AIG1: variants seen among roughly 807,000 people sequenced by gnomAD.
The protein encoded by AIG1 is androgen-induced gene 1 protein.
AIG1 carries 23 observed loss-of-function variants against 31.4 expected under a neutral mutation model. The observed-to-expected ratio is 0.73, with a 90% CI of 0.53 to 1.04. AIG1 has a LOEUF of 1.04. Among genes scored for constraint, AIG1 ranks in the 50% least tolerant of loss-of-function variants. The probability of loss-of-function intolerance (pLI) is 0.00; values close to 1 mark genes in which losing one functional copy is unlikely to be tolerated. For synonymous variants in AIG1, 100 were observed against 110.5 expected (o/e 0.90, Z 0.60); for missense variants, 274 against 295.0 (o/e 0.93, Z 0.52).
At chr6:143,082,814 G>T (rs1426944946) in intron 1 of AIG1, among the ~76,000 whole-genome samples, 6 of 152,098 alleles carry the variant, frequency 3.9e-5, no homozygotes, top group African/African-American at 1.4e-4. Flanking sequence ...TGTTTTTTCT[G>T]TGACATATAA....
At chr6:143,146,948 G>A (rs966210655) in intron 2 of AIG1, among the ~76,000 whole-genome samples, 19 of 152,152 alleles carry the variant, frequency 1.2e-4, no homozygotes, top group African/African-American at 2.7e-4. Context: ...GGAAGGTGAC[G>A]CAGAAAATCA....
intron 2 of AIG1, among the ~76,000 whole-genome samples, chr6:143,150,223 A>G (rs1000504239): frequency 4.6e-5 from 7 of 152,312 alleles, no homozygotes; most frequent in Non-Finnish European, 7.4e-5. Context: ...CCTGAGCCCT[A>G]TTGTTCATCA....
At chr6:143,302,514 G>A (rs919750846) in intron 4 of AIG1, among the ~76,000 whole-genome samples, 4 of 152,048 alleles carry the variant, frequency 2.6e-5, no homozygotes, top group Admixed American at 2.6e-4. Context: ...TGAGAATGAT[G>A]ATTTCCAATT....
intron 3 of AIG1, among the ~76,000 whole-genome samples, chr6:143,201,229 T>G (rs189815989): frequency 1.3e-5 from 2 of 152,206 alleles, no homozygotes; most frequent in Non-Finnish European, 2.9e-5. Flanking sequence ...TACAGTGGCT[T>G]GTGCCTGTAG....
chr6:143,308,280 A>C (rs1363607902), intron 4 of AIG1, among the ~76,000 whole-genome samples: 1 of 152,224 alleles, frequency 6.6e-6, no homozygotes. Context: ...GAAATGCAGA[A>C]ATCACCCGTC....
intron 4 of AIG1, among the ~76,000 whole-genome samples, chr6:143,316,818 G>A (rs1375756563): frequency 2.0e-5 from 3 of 151,798 alleles, no homozygotes; most frequent in Non-Finnish European, 2.9e-5. Context: ...GAAAAGAAAC[G>A]GGAGATATTA....
At chr6:143,179,940 G>C (rs1163171128) in intron 3 of AIG1, among the ~76,000 whole-genome samples, 1 of 152,218 alleles carries the variant, frequency 6.6e-6, no homozygotes, top group Non-Finnish European at 1.5e-5. Flanking sequence ...TGCAGCACAT[G>C]ACAAACATTA....
At position 143,255,052 on chromosome 6, in the gene AIG1, T is replaced by C. The variant is rs10484583; in HGVS notation, c.400-29058T>C. On this transcript the variant is annotated intron_variant, in intron 3 of 5. Transcript: ENST00000357847. ...AACCTGTCTCAAAAGATTCTCCTCA[T>C]TCTAGAAGTTTCTGATTCTGTAATC... Among the ~76,000 whole-genome samples the C allele has an allele frequency of 9.4e-3, 1,431 of 152,252 alleles. 43 individuals carry two copies. Among genetic ancestry groups the C allele is most frequent in the East Asian group, 0.065 (335 of 5,174 alleles).
chr6:143,176,109 G>C (rs184418294), intron 3 of AIG1, among the ~76,000 whole-genome samples: 2 of 152,310 alleles, frequency 1.3e-5, no homozygotes, highest in African/African-American at 2.4e-5. Flanking sequence ...GAGCTGCCAG[G>C]CTCTGGCTTG....
At chr6:143,095,082 G>A (rs921963443) in intron 1 of AIG1, among the ~76,000 whole-genome samples, 6 of 152,172 alleles carry the variant, frequency 3.9e-5, no homozygotes, top group African/African-American at 1.2e-4. Flanking sequence ...ATCCACAATG[G>A]GGGCAGTAAA....
chr6:143,095,975 C>T (rs953553418), intron 1 of AIG1, among the ~76,000 whole-genome samples: 23 of 141,626 alleles, frequency 1.6e-4, no homozygotes, highest in Admixed American at 1.3e-3. Context: ...GGCACGATCT[C>T]GGCTCACTGC....
Position 143,326,579 on chromosome 6 carries a change from A to G in AIG1, c.516-6703A>G. ...ACATATTATTTAAATAAAGATATTC[A>G]AATTTAAGTATGAATAAAAGAGCTT... On this transcript the variant is annotated intron_variant, in intron 4 of 5. Coordinates refer to ENST00000357847, the MANE Select transcript of AIG1 (RefSeq NM_016108.4). This position sits in a 1 kb window ranked among gnomAD's most constrained non-coding sequence, Gnocchi z 4.5. 6.6e-6 allele frequency among the ~76,000 whole-genome samples: 1 copy of G among 152,324 alleles called. No homozygotes were observed. The highest frequency in any genetic ancestry group is 3.4e-3 in the Middle Eastern group (1 of 294).
At chr6:143,112,816 T>TG (rs1311904543) in intron 1 of AIG1, among the ~76,000 whole-genome samples, 1 of 152,162 alleles carries the variant, frequency 6.6e-6, no homozygotes, top group African/African-American at 2.4e-5. Flanking sequence ...GATCCTCACA[T>TG]GTAGAGAACT....
chr6:143,114,063 C>T (rs546268684), intron 1 of AIG1, among the ~76,000 whole-genome samples: 14 of 152,254 alleles, frequency 9.2e-5, no homozygotes, highest in African/African-American at 2.9e-4. Context: ...TGTGAGCCAC[C>T]GCGCCTGGCC....
At chr6:143,302,987 A>T (rs1226471355) in intron 4 of AIG1, among the ~76,000 whole-genome samples, 1 of 151,938 alleles carries the variant, frequency 6.6e-6, no homozygotes, top group Admixed American at 6.6e-5. Flanking sequence ...GATGGTGAGC[A>T]TTTTTTCATG....
At position 143,334,376 on chromosome 6, in the gene AIG1, G is replaced by A. The variant is rs376111732; in HGVS notation, c.679+931G>A. ...CCCTGCCAGGAGCTCAATGGAATCA[G>A]ACAAATAACGCACAGTGAGTGCATG... is the stretch of plus-strand genomic sequence containing the variant. On this transcript the variant is annotated intron_variant, in intron 5 of 5. Coordinates refer to ENST00000357847, the MANE Select transcript of AIG1 (RefSeq NM_016108.4). This position sits in a 1 kb window ranked among gnomAD's most constrained non-coding sequence, Gnocchi z 5.1. Among the ~76,000 whole-genome samples, 29 of 152,326 alleles carry A rather than the reference G, an allele frequency of 1.9e-4. No individual in the cohort carries two copies. Among genetic ancestry groups the A allele is most frequent in the African/African-American group, 7.0e-4 (29 of 41,568 alleles).
chr6:143,335,945 G>GAAAA (rs11298199), intron 5 of AIG1, among the ~76,000 whole-genome samples: 4 of 126,846 alleles, frequency 3.2e-5, no homozygotes, highest in African/African-American at 1.1e-4. Flanking sequence ...GAAACTCTCA[G>GAAAA]AAAAAAAAAA....
chr6:143,171,487 A>T (rs1335992800), intron 3 of AIG1, among the ~76,000 whole-genome samples: 2 of 121,290 alleles, frequency 1.6e-5, no homozygotes, highest in African/African-American at 3.4e-5. Context: ...AATATATATT[A>T]AATATATAAT....
chr6:143,342,514 T>A (rs1777877829), downstream of AIG1: 4 of 805,274 alleles, frequency 5.0e-6, no homozygotes, highest in Admixed American at 6.8e-5. Context: ...GTCTTTTATC[T>A]TTCTCCCTAT....
Sources: allele counts gnomAD v4.1 joint callset (sites outside exome capture counted in the v4.1 genomes callset), GRCh38; gene constraint gnomAD v4.1.1; non-coding constraint Gnocchi (gnomAD v3.1); transcripts MANE v1.5; gene names NCBI Gene and HGNC (gene_info 2026-07-23, HGNC 2026-07-21).